The following CDH11 variants were observed in gnomAD, a reference collection of about 807,000 sequenced individuals.
CDH11 encodes the protein cadherin 11, also known as cadherin-11.
Under a neutral mutation model 67.8 loss-of-function variants are expected in CDH11, and 11 were observed. The ratio of observed to expected loss-of-function variants is 0.16; its 90% CI spans 0.10 to 0.27. The LOEUF is 0.27. Ranked by LOEUF, CDH11 falls within the 10% of genes least tolerant of loss-of-function variation. CDH11 has a pLI of 1.00. For missense variants in CDH11, 847 were observed against 1,031.2 expected (o/e 0.82, Z 2.45); for synonymous variants, 419 against 400.0 (o/e 1.05, Z -0.57).
chr16:65,024,511 C>G (rs950656425), intron 2 of CDH11, among the ~76,000 whole-genome samples: 10 of 152,106 alleles, frequency 6.6e-5, no homozygotes, highest in Non-Finnish European at 1.5e-4. Context: ...AATAGGGTAG[C>G]AACTAGGCAC....
At chr16:65,041,505 T>C (rs2073867745) in intron 2 of CDH11, among the ~76,000 whole-genome samples, 1 of 152,194 alleles carries the variant, frequency 6.6e-6, no homozygotes, top group South Asian at 2.1e-4. Flanking sequence ...TATGCCTTGA[T>C]ACTGTCAGAA....
chr16:65,054,407 G>A (rs1241682015), intron 1 of CDH11, among the ~76,000 whole-genome samples: 1 of 152,132 alleles, frequency 6.6e-6, no homozygotes, highest in Non-Finnish European at 1.5e-5. Context: ...CAATAGCAGT[G>A]GTGGTAATAG....
At position 64,982,086 on chromosome 16, in the gene CDH11, C is replaced by T. The variant is rs2142458624; in HGVS notation, c.1215G>A (p.Val405=). ...TGGCAGCATCAGGGTCTTTGGCATG[C>T]ACTCTCCCAACCACGGTGCCAGCAG... ...NAAAGTVVGR[V]HAKDPDAANS... is the part of the protein sequence containing the mutation. The change falls in exon 8 of 13, where the codon GTG becomes GTA. Residue 405 remains valine, a synonymous_variant. Transcript: ENST00000268603. 3.1e-6 allele frequency: 5 copies of T among 1,613,970 alleles called. No individual in the cohort carries two copies. Among genetic ancestry groups the T allele is most frequent in the African/African-American group, 1.3e-5 (1 of 75,028 alleles).
At chr16:65,000,851 A>G (rs1381682802) in intron 3 of CDH11, among the ~76,000 whole-genome samples, 1 of 151,776 alleles carries the variant, frequency 6.6e-6, no homozygotes, top group African/African-American at 2.4e-5. Context: ...AATAAAAACT[A>G]TGATTATTAT....
chr16:65,123,039 C>A (rs2075361821), upstream of CDH11, among the ~76,000 whole-genome samples: 1 of 152,192 alleles, frequency 6.6e-6, no homozygotes, highest in South Asian at 2.1e-4. Context: ...TGACGACTCG[C>A]TACCGTGAGG....
chr16:65,034,360 C>T (rs920930791), intron 2 of CDH11, among the ~76,000 whole-genome samples: 2 of 152,154 alleles, frequency 1.3e-5, no homozygotes, highest in Non-Finnish European at 2.9e-5. Flanking sequence ...ATTTGTGGAA[C>T]TTTGTTTCAA....
intron 2 of CDH11, among the ~76,000 whole-genome samples, chr16:65,043,786 T>C (rs920545166): frequency 6.6e-6 from 1 of 152,190 alleles, no homozygotes; most frequent in Non-Finnish European, 1.5e-5. Context: ...TCTGCCTTAA[T>C]TTAGGTTTCT....
intron 11 of CDH11, among the ~76,000 whole-genome samples, chr16:64,954,238 G>A (rs1204462662): frequency 6.6e-6 from 1 of 152,212 alleles, no homozygotes; most frequent in Non-Finnish European, 1.5e-5. Context: ...ATCTCTGAGT[G>A]ATAGATCAGT....
At chr16:65,071,039 C>A (rs1038686875) in intron 1 of CDH11, among the ~76,000 whole-genome samples, 2 of 152,110 alleles carry the variant, frequency 1.3e-5, no homozygotes, top group African/African-American at 4.8e-5. Flanking sequence ...CGTCACTGTC[C>A]GACTGAACTC....
At chr16:64,957,802 C>T (rs753520142) in intron 11 of CDH11, among the ~76,000 whole-genome samples, 7 of 152,002 alleles carry the variant, frequency 4.6e-5, no homozygotes, top group East Asian at 1.9e-4. Flanking sequence ...TTAGTTATTT[C>T]GATTTCTTTA....
intron 1 of CDH11, among the ~76,000 whole-genome samples, chr16:65,090,578 G>T (rs1159507815): frequency 2.6e-5 from 4 of 152,040 alleles, no homozygotes; most frequent in Non-Finnish European, 5.9e-5. Flanking sequence ...TTATACTGCG[G>T]TCCTTTTTAC....
At chr16:64,977,525 C>A (rs2072205278) in intron 8 of CDH11, among the ~76,000 whole-genome samples, 5 of 152,208 alleles carry the variant, frequency 3.3e-5, no homozygotes, top group Admixed American at 2.6e-4. Context: ...ATTTAAACTT[C>A]ACACTGTGAA....
intron 2 of CDH11, among the ~76,000 whole-genome samples, chr16:65,018,934 C>G (rs2073369910): frequency 6.6e-6 from 1 of 152,164 alleles, no homozygotes. Context: ...GTCAAAGATG[C>G]AATTGACAAG....
At chr16:64,995,424 C>G (rs1340908986) in intron 4 of CDH11, among the ~76,000 whole-genome samples, 2 of 152,024 alleles carry the variant, frequency 1.3e-5, no homozygotes, top group African/African-American at 4.8e-5. Flanking sequence ...AATAGAGAAC[C>G]CAGAAATAAA....
chr16:64,992,345 A>G (rs1416215543), intron 5 of CDH11, among the ~76,000 whole-genome samples: 1 of 152,226 alleles, frequency 6.6e-6, no homozygotes, highest in East Asian at 1.9e-4. Context: ...TTAAGTTTAA[A>G]GCAGGAGGTG....
rs142827499 is a variant in CDH11, at chr16:64,975,768, T to C, written c.1254-2728A>G. On this transcript the variant is annotated intron_variant, in intron 8 of 12. Transcript: ENST00000268603. The stretch of plus-strand genomic sequence containing the variant: ...TTTCCTTTGGATATATGCCCTGTAA[T>C]GAGACAGGATCAATCATACCCCCAA... Among the ~76,000 whole-genome samples, 342 of 152,266 alleles carry C rather than the reference T, an allele frequency of 2.2e-3. 3 individuals carry two copies. The highest frequency in any genetic ancestry group is 7.6e-3 in the African/African-American group (314 of 41,544).
At position 64,998,786 on chromosome 16, in the gene CDH11, A is replaced by T; in HGVS notation, c.299T>A (p.Ile100Asn). The T allele has an allele frequency of 6.2e-7, 1 of 1,614,130 alleles. No homozygotes were observed. Among genetic ancestry groups the T allele is most frequent in the African/African-American group, 1.3e-5 (1 of 75,048 alleles). ...CCCTGATTTGTCATCAATCACAAAAATGGTTCCAGCTCCTTCCCCTGAGAG... is the reference window on the plus strand; with the variant it reads ...CCCTGATTTGTCATCAATCACAAAATTGGTTCCAGCTCCTTCCCCTGAGAG... ...YILSGEGAGT[I>N]FVIDDKSGNI... Residue 100 changes from isoleucine to asparagine, a missense_variant, in exon 4 of 13, where the codon ATT (isoleucine) becomes AAT (asparagine). By Grantham distance (149) the Ile-to-Asn change is moderately radical. Around this residue, in one of 2 missense-constraint regions of CDH11, gnomAD observed 235 missense variants for 352.5 expected, o/e 0.67. Coordinates refer to ENST00000268603, the MANE Select transcript of CDH11 (RefSeq NM_001797.4).
chr16:64,955,500 A>G (rs1217472172), intron 11 of CDH11, among the ~76,000 whole-genome samples: 4 of 152,052 alleles, frequency 2.6e-5, no homozygotes, highest in Non-Finnish European at 4.4e-5. Flanking sequence ...ACACTTTGGG[A>G]GGCTGAGGTG....
At position 65,027,735 on chromosome 16, in the gene CDH11, G is replaced by T. The variant is rs114024630; in HGVS notation, c.-172-22694C>A. Among the ~76,000 whole-genome samples, 952 of 152,266 alleles carry T rather than the reference G, an allele frequency of 6.3e-3. 10 individuals are homozygous for T. The highest frequency in any genetic ancestry group is 0.021 in the African/African-American group (885 of 41,548). On this transcript the variant is annotated intron_variant, in intron 2 of 12. Coordinates refer to ENST00000268603, the MANE Select transcript of CDH11 (RefSeq NM_001797.4). ...TTGATCTGGTTCAGAGGCTGCTCCT[G>T]CTTCTGAATACAACCATGACATTGG...
Sources: gnomAD v4.1 joint callset for allele counts (sites outside exome capture counted in the v4.1 genomes callset) on GRCh38, gnomAD v4.1.1 for gene constraint, gnomAD v4.1.1 regional missense constraint, MANE v1.5 for transcripts, NCBI Gene and HGNC (gene_info 2026-07-23, HGNC 2026-07-21) for gene names.